The following TRPS1 variants were observed in gnomAD, a reference collection of about 807,000 sequenced individuals.
TRPS1 encodes transcriptional repressor GATA binding 1.
TRPS1 carries 6 observed loss-of-function variants against 101.2 expected under a neutral mutation model. The ratio of observed to expected loss-of-function variants is 0.06; its 90% CI spans 0.03 to 0.12. The LOEUF is 0.12. TRPS1 is among the 10% of genes least tolerant of loss of function. The pLI, the probability that TRPS1 is intolerant of heterozygous loss-of-function variation, is 1.00. For missense variants in TRPS1, 1,363 were observed against 1,567.0 expected (o/e 0.87, Z 2.20); for synonymous variants, 578 against 589.8 (o/e 0.98, Z 0.29).
chr8:115,607,943 C>T (rs1157438274), intron 3 of TRPS1, among the ~76,000 whole-genome samples: 1 of 152,074 alleles, frequency 6.6e-6, no homozygotes, highest in Non-Finnish European at 1.5e-5. Flanking sequence ...ATTTTATTTG[C>T]ATGCCCCATT....
At position 115,418,508 on chromosome 8, in the gene TRPS1, A is replaced by G. The variant is rs199728627; in HGVS notation, c.2701-56T>C. On this transcript the variant is annotated intron_variant, in intron 5 of 6. Transcript: ENST00000395715. This position sits in a 1 kb window ranked among gnomAD's most constrained non-coding sequence, Gnocchi z 4.3. ...GGTGAGTCACATGATCAGTGGAGTT[A>G]GACCAAATCAACCCAGGAGTTTTGT... 14 of 1,613,408 alleles carry G rather than the reference A, an allele frequency of 8.7e-6. No individual in the cohort carries two copies. Among genetic ancestry groups the G allele is most frequent in the Admixed American group, 3.3e-5 (2 of 60,018 alleles).
intron 1 of TRPS1, among the ~76,000 whole-genome samples, chr8:115,661,956 A>G (rs1210582838): frequency 6.6e-6 from 1 of 152,016 alleles, no homozygotes; most frequent in Admixed American, 6.6e-5. Flanking sequence ...TAACAGATGC[A>G]GCCATAACAT....
At chr8:115,446,334 A>AG (rs1484666926) in intron 5 of TRPS1, among the ~76,000 whole-genome samples, 1 of 32,550 alleles carries the variant, frequency 3.1e-5, no homozygotes, top group Admixed American at 3.7e-4. Context: ...CCTGTCAGAC[A>AG]AAAAAAAAAA....
intron 6 of TRPS1, among the ~76,000 whole-genome samples, chr8:115,416,499 G>T (rs908059830): frequency 2.0e-5 from 3 of 148,044 alleles, no homozygotes; most frequent in Middle Eastern, 4.0e-3. Context: ...TACATTATGT[G>T]TATATAATGT....
chr8:115,453,432 T>C (rs1813931973), intron 5 of TRPS1, among the ~76,000 whole-genome samples: 1 of 152,228 alleles, frequency 6.6e-6, no homozygotes, highest in Non-Finnish European at 1.5e-5. Context: ...AATCCATGTC[T>C]CAATGTGCTA....
intron 1 of TRPS1, among the ~76,000 whole-genome samples, chr8:115,657,995 T>C (rs1811712499): frequency 6.6e-6 from 1 of 151,666 alleles, no homozygotes; most frequent in Admixed American, 6.6e-5. Context: ...AACTAAAATA[T>C]TAGACCCCAA....
chr8:115,578,231 T>C (rs1417118348), intron 5 of TRPS1, among the ~76,000 whole-genome samples: 3 of 152,180 alleles, frequency 2.0e-5, no homozygotes, highest in African/African-American at 4.8e-5. Flanking sequence ...CAATTTACAA[T>C]TTAGAAGTTA....
At chr8:115,580,397 C>T (rs1817417777) in intron 5 of TRPS1, among the ~76,000 whole-genome samples, 1 of 151,840 alleles carries the variant, frequency 6.6e-6, no homozygotes, top group South Asian at 2.1e-4. Context: ...CTGGGCTCTG[C>T]CGGAAAATTA....
intron 5 of TRPS1, among the ~76,000 whole-genome samples, chr8:115,529,053 T>A (rs932419814): frequency 6.6e-6 from 1 of 151,896 alleles, no homozygotes; most frequent in Non-Finnish European, 1.5e-5. Context: ...ACCAATGCTA[T>A]GAGCTAGGAA....
Position 115,557,725 on chromosome 8 carries a change from T to G in TRPS1, c.2700+29276A>C, listed in dbSNP as rs181326749. The stretch of plus-strand genomic sequence containing the variant: ...TTTGCAAATTACCCAGTCTTGGATA[T>G]TTCTTCATTGCAAAGTGAGAATGAA... On this transcript the variant is annotated intron_variant, in intron 5 of 6. Transcript: ENST00000395715. Among the ~76,000 whole-genome samples the G allele has an allele frequency of 5.3e-5, 8 of 152,286 alleles. No individual in the cohort carries two copies. The East Asian group carries it at 1.5e-3, about 29-fold the overall frequency.
At chr8:115,532,341 C>A (rs1226488675) in intron 5 of TRPS1, among the ~76,000 whole-genome samples, 4 of 151,710 alleles carry the variant, frequency 2.6e-5, no homozygotes, top group African/African-American at 9.7e-5. Flanking sequence ...GATGAAGAAT[C>A]TATAACCCAA....
At chr8:115,601,924 T>C (rs1459116100) in intron 4 of TRPS1, among the ~76,000 whole-genome samples, 1 of 152,206 alleles carries the variant, frequency 6.6e-6, no homozygotes, top group African/African-American at 2.4e-5. Context: ...AATAGTTCTC[T>C]TTTCTCTAGA....
intron 5 of TRPS1, among the ~76,000 whole-genome samples, chr8:115,423,655 T>C (rs1813122716): frequency 6.6e-6 from 1 of 152,148 alleles, no homozygotes; most frequent in South Asian, 2.1e-4. Context: ...TGTCTTTAGG[T>C]TCACGGCTAA....
At chr8:115,654,697 G>A (rs1259004173) in intron 1 of TRPS1, among the ~76,000 whole-genome samples, 2 of 152,110 alleles carry the variant, frequency 1.3e-5, no homozygotes, top group African/African-American at 2.4e-5. Context: ...CAGTTTTTCA[G>A]TACCAATTAG....
intron 4 of TRPS1, among the ~76,000 whole-genome samples, chr8:115,599,616 G>C (rs1294428585): frequency 2.6e-5 from 4 of 152,092 alleles, no homozygotes; most frequent in Middle Eastern, 3.2e-3. Flanking sequence ...TCCTGTGTTA[G>C]TTTGCTGAGA....
rs545329720 is a variant in TRPS1, at chr8:115,588,794, G to A, written c.2097-1190C>T. ...CTATTACTTAAAGCTGTAAGATACT[G>A]TAAGTTATGTACTCATACATGTAAT... On this transcript the variant is annotated intron_variant, in intron 4 of 6. Transcript: ENST00000395715. 3.4e-4 allele frequency among the ~76,000 whole-genome samples: 52 copies of A among 152,272 alleles called. No homozygotes were observed. The South Asian group carries it at 0.01, about 30-fold the overall frequency.
chr8:115,538,382 T>C (rs1308044832), intron 5 of TRPS1, among the ~76,000 whole-genome samples: 2 of 152,202 alleles, frequency 1.3e-5, no homozygotes, highest in Non-Finnish European at 1.5e-5. Context: ...ATGAACAAGA[T>C]GTGAAAATGG....
chr8:115,492,756 C>A (rs1288482687), intron 5 of TRPS1, among the ~76,000 whole-genome samples: 1 of 152,104 alleles, frequency 6.6e-6, no homozygotes, highest in African/African-American at 2.4e-5. Context: ...CTCTGTCACC[C>A]AGGCTGGAGT....
rs1336068781 is a variant in TRPS1 at position 115,575,361 on chromosome 8, A to T, written c.2700+11640T>A. ...AAGTGAAATTAAAAGTTATTTAATA[A>T]TAAACATACAAATCTATGTTTGCAG... On this transcript the variant is annotated intron_variant, in intron 5 of 6. Transcript: ENST00000395715. Among the ~76,000 whole-genome samples, 3 of 152,168 alleles carry T rather than the reference A, an allele frequency of 2.0e-5. No homozygotes were observed. In the East Asian group the frequency reaches 5.8e-4, roughly 29 times the overall value.
Sources: allele counts gnomAD v4.1 joint callset (sites outside exome capture counted in the v4.1 genomes callset), GRCh38; gene constraint gnomAD v4.1.1; non-coding constraint Gnocchi (gnomAD v3.1); transcripts MANE v1.5; gene names NCBI Gene and HGNC (gene_info 2026-07-23, HGNC 2026-07-21).